The following MYO5A variants were observed in gnomAD, a reference collection of about 807,000 sequenced individuals.
The protein encoded by MYO5A is myosin VA.
Under a neutral mutation model 249.7 loss-of-function variants are expected in MYO5A, and 98 were observed. The observed-to-expected ratio is 0.39, with a 90% CI of 0.33 to 0.46. The LOEUF is 0.46. MYO5A is among the 20% of genes least tolerant of loss of function. The probability of loss-of-function intolerance (pLI) is 0.98; values close to 1 mark genes in which losing one functional copy is unlikely to be tolerated. For synonymous variants in MYO5A, 778 were observed against 810.6 expected (o/e 0.96, Z 0.68); for missense variants, 1,696 against 2,308.8 (o/e 0.73, Z 5.44).
chr15:52,337,986 G>C (rs961958941), intron 32 of MYO5A, 102 bp from the exon 33 acceptor site: 21 of 769,174 alleles, frequency 2.7e-5, no homozygotes, highest in Non-Finnish European at 3.8e-5. Flanking sequence ...AATACAAATA[G>C]TGAAACTATA....
intron 5 of MYO5A, among the ~76,000 whole-genome samples, chr15:52,410,951 A>G (rs1014909064): frequency 2.6e-5 from 4 of 152,210 alleles, no homozygotes; most frequent in Non-Finnish European, 5.9e-5. Flanking sequence ...CTGCACAGTC[A>G]CACAGATATA....
intron 29 of MYO5A, chr15:52,346,718 G>A: frequency 3.7e-6 from 2 of 542,216 alleles, no homozygotes; most frequent in South Asian, 3.2e-5. Flanking sequence ...CAATGTCACG[G>A]CCCTGTAAAT....
chr15:52,426,320 T>G (rs2075393325), intron 3 of MYO5A, among the ~76,000 whole-genome samples: 1 of 53,156 alleles, frequency 1.9e-5, no homozygotes, highest in East Asian at 5.7e-3. Flanking sequence ...GCAAAGAGTT[T>G]TTTTTTTTTT....
intron 1 of MYO5A, among the ~76,000 whole-genome samples, chr15:52,480,168 T>C (rs916340105): frequency 6.6e-6 from 1 of 152,190 alleles, no homozygotes; most frequent in African/African-American, 2.4e-5. Context: ...TTCTACAACA[T>C]GTCTACTTGA....
chr15:52,387,315 G>C (rs2042011244), intron 14 of MYO5A, among the ~76,000 whole-genome samples: 1 of 152,116 alleles, frequency 6.6e-6, no homozygotes, highest in African/African-American at 2.4e-5. Context: ...AAAGTGCTTT[G>C]GGCCACACCT....
intron 29 of MYO5A, among the ~76,000 whole-genome samples, chr15:52,348,514 G>A (rs1449530242): frequency 6.6e-6 from 1 of 152,162 alleles, no homozygotes; most frequent in African/African-American, 2.4e-5. Context: ...TGTACTCCAA[G>A]TTAAGGGCTT....
intron 9 of MYO5A, among the ~76,000 whole-genome samples, chr15:52,404,752 C>T (rs778551818): frequency 6.6e-6 from 1 of 151,998 alleles, no homozygotes; most frequent in Non-Finnish European, 1.5e-5. Flanking sequence ...CTGAGCAAAG[C>T]CAGGAGAGAG....
At chr15:52,416,431 A>G in intron 4 of MYO5A, 130 bp from the exon 5 acceptor site, 3 of 869,726 alleles carry the variant, frequency 3.4e-6, no homozygotes, top group East Asian at 5.3e-5. Context: ...GGTGCTTATA[A>G]CACCAAGGTC....
intron 1 of MYO5A, among the ~76,000 whole-genome samples, chr15:52,474,144 T>C (rs2076538392): frequency 6.6e-6 from 1 of 152,210 alleles, no homozygotes; most frequent in African/African-American, 2.4e-5. Flanking sequence ...TTTATTCTCT[T>C]TGAAGCAATT....
At chr15:52,340,439 G>A (rs368308337) in intron 31 of MYO5A, 45 bp from the exon 32 acceptor site, 14 of 1,569,224 alleles carry the variant, frequency 8.9e-6, no homozygotes, top group African/African-American at 4.0e-5. Flanking sequence ...GACACCCCGA[G>A]TTGCTGCCTA....
At chr15:52,389,043 A>C (rs550165520) in intron 13 of MYO5A, among the ~76,000 whole-genome samples, 195 bp downstream of exon 13, 2 of 152,248 alleles carry the variant, frequency 1.3e-5, no homozygotes, top group African/African-American at 2.4e-5. Flanking sequence ...GAATTATAGA[A>C]CCATACTTAT....
chr15:52,415,682 G>C (rs1329298114), intron 5 of MYO5A, among the ~76,000 whole-genome samples: 1 of 152,146 alleles, frequency 6.6e-6, no homozygotes, highest in Non-Finnish European at 1.5e-5. Context: ...GTCGGACTAA[G>C]TACAGAAAAT....
intron 1 of MYO5A, among the ~76,000 whole-genome samples, chr15:52,435,291 C>T (rs1209840673): frequency 8.0e-5 from 8 of 99,746 alleles, no homozygotes; most frequent in South Asian, 3.4e-4. Flanking sequence ...TTTTTTGAGA[C>T]GGAGTCTCAC....
In MYO5A at chr15:52,372,356, C is replaced by T. The variant is rs202202691; in HGVS notation, c.2585G>A (p.Arg862His). ...CTGAATGATGACTGCTTTGTGCTCACGGAGTATCTGCAGAAAAGGATAAGG... is the reference window on the plus strand; with the variant it reads ...CTGAATGATGACTGCTTTGTGCTCATGGAGTATCTGCAGAAAAGGATAAGG... ...LARNRYRKIL[R>H]EHKAVIIQKR... is the part of the protein sequence containing the mutation. The change falls in exon 21 of 42, where the codon CGT becomes CAT. Residue 862 changes from arginine to histidine, a missense_variant. Around this residue, in one of 5 missense-constraint regions of MYO5A, gnomAD observed 412 missense variants for 453.3 expected, o/e 0.91. Coordinates refer to ENST00000399233, the MANE Select transcript of MYO5A (RefSeq NM_001382347.1). 9.2e-5 allele frequency: 147 copies of T among 1,601,634 alleles called. No individual in the cohort carries two copies. Among genetic ancestry groups the T allele is most frequent in the Admixed American group, 1.8e-4 (11 of 59,986 alleles).
intron 25 of MYO5A, among the ~76,000 whole-genome samples, chr15:52,359,243 G>A (rs1468959762): frequency 6.6e-6 from 1 of 152,068 alleles, no homozygotes; most frequent in East Asian, 1.9e-4. Context: ...TTCTGATTTG[G>A]CCATTTTCAA....
chr15:52,434,756 A>G (rs2075624586), intron 1 of MYO5A, among the ~76,000 whole-genome samples: 1 of 152,348 alleles, frequency 6.6e-6, no homozygotes, highest in South Asian at 2.1e-4. Flanking sequence ...TAAAACACAC[A>G]TACACTAAAC....
intron 1 of MYO5A, among the ~76,000 whole-genome samples, chr15:52,470,508 G>A (rs566679355): frequency 9.2e-5 from 14 of 152,144 alleles, no homozygotes; most frequent in South Asian, 2.1e-4. Flanking sequence ...AAAATTAGCC[G>A]GCGTGGTGGC....
intron 11 of MYO5A, among the ~76,000 whole-genome samples, chr15:52,396,040 T>C (rs1452135812): frequency 2.0e-5 from 3 of 152,216 alleles, no homozygotes; most frequent in Non-Finnish European, 4.4e-5. Flanking sequence ...TAAAGCTTCA[T>C]ACTCCCAAGC....
At chr15:52,420,524 C>G (rs754264038) in intron 4 of MYO5A, among the ~76,000 whole-genome samples, 38 of 152,062 alleles carry the variant, frequency 2.5e-4, no homozygotes, top group Non-Finnish European at 1.0e-4. Flanking sequence ...TGTAGCCTAT[C>G]AACCTTGCTC....
Sources: gnomAD v4.1 joint callset for allele counts (sites outside exome capture counted in the v4.1 genomes callset) on GRCh38, gnomAD v4.1.1 for gene constraint, gnomAD v4.1.1 regional missense constraint, MANE v1.5 for transcripts, NCBI Gene and HGNC (gene_info 2026-07-23, HGNC 2026-07-21) for gene names.